DNAH8: variants seen among roughly 807,000 people sequenced by gnomAD.
DNAH8 encodes the protein dynein axonemal heavy chain 8.
A neutral mutation model predicts 562.1 loss-of-function variants in DNAH8; 382 were observed. The ratio of observed to expected loss-of-function variants is 0.68; its 90% CI spans 0.63 to 0.74. The LOEUF is 0.74. Ranked by LOEUF, DNAH8 falls within the 30% of genes least tolerant of loss-of-function variation. DNAH8 has a pLI of 0.00. For synonymous variants in DNAH8, 1,881 were observed against 1,919.4 expected, an observed-to-expected ratio of 0.98 and a Z score of 0.52; for missense variants, 5,203 against 5,620.4, an observed-to-expected ratio of 0.93 and a Z score of 2.37.
At chr6:38,858,934 T>A (rs1776403123) in intron 42 of DNAH8, among the ~76,000 whole-genome samples, 1 of 152,274 alleles carries the variant, frequency 6.6e-6, no homozygotes, top group Admixed American at 6.5e-5. Context: ...TGAAAGAAAT[T>A]TCTTTTAAAA....
In DNAH8 at chr6:38,842,859, A is replaced by C; in HGVS notation, c.4801A>C (p.Asn1601His). 6.2e-7 allele frequency: 1 copy of C among 1,613,866 alleles called. No homozygotes were observed. Residue 1601 changes from asparagine (N) to histidine (H), a missense_variant, in exon 35 of 93, where the codon AAT becomes CAT. Coordinates refer to ENST00000327475, the MANE Select transcript of DNAH8 (RefSeq NM_001206927.2). ...GGAATCTGATTCTTTTTGCCTTAGAAATATCATGGAAGCACCACTCCTTAA... is the reference window on the plus strand; with the variant it reads ...GGAATCTGATTCTTTTTGCCTTAGACATATCATGGAAGCACCACTCCTTAA... ...DVESDSFCLRNIMEAPLLKHK... is the reference protein window; with the variant it reads ...DVESDSFCLRHIMEAPLLKHK...
At chr6:38,842,636 TA>T (rs749996981) in intron 34 of DNAH8, 26 bp from the exon 35 acceptor site, 135 of 1,603,434 alleles carry the variant, frequency 8.4e-5, no homozygotes, top group South Asian at 6.3e-4. Context: ...GAAGGTGGCA[TA>T]TTTTTTTTCT....
At chr6:38,953,858 T>A (rs1762078536) in intron 82 of DNAH8, among the ~76,000 whole-genome samples, 1 of 151,520 alleles carries the variant, frequency 6.6e-6, no homozygotes, top group South Asian at 2.1e-4. Flanking sequence ...TTTTTTTTTT[T>A]AACAGTTGGG....
At chr6:38,848,584 G>A (rs1054746522) in intron 36 of DNAH8, 64 bp from the exon 37 acceptor site, 98 of 1,343,856 alleles carry the variant, frequency 7.3e-5, no homozygotes, top group South Asian at 4.9e-4. Flanking sequence ...AATTTACTTC[G>A]GTAAGGCCAT....
At chr6:38,781,229 A>G in intron 15 of DNAH8, 25 bp from the exon 16 acceptor site, 2 of 1,612,966 alleles carry the variant, frequency 1.2e-6, no homozygotes, top group South Asian at 1.1e-5. Flanking sequence ...GAATTCAAAC[A>G]TTAACATCAG....
intron 24 of DNAH8, among the ~76,000 whole-genome samples, chr6:38,809,853 T>C (rs977014736): frequency 3.3e-5 from 5 of 152,196 alleles, no homozygotes; most frequent in African/African-American, 9.6e-5. Context: ...TCGTAGTAGC[T>C]AAACCTGCTT....
At position 38,832,327 on chromosome 6, in the gene DNAH8, A is replaced by G. The variant is rs1353304607; in HGVS notation, c.4194A>G (p.Ser1398=). The change falls in exon 31 of 93, where the codon TCA becomes TCG. Residue 1398 remains serine, a synonymous_variant. Transcript: ENST00000327475. The part of the protein sequence containing the change: ...SFNKLQSKAV[S]VQEDLVQVQP... The stretch of plus-strand genomic sequence containing the variant: ...AATATTCTTTTTTATTGTAGGTTTC[A>G]GTACAAGAGGACCTAGTTCAAGTGC... The G allele has an allele frequency of 1.2e-6, 2 of 1,602,218 alleles. No individual in the cohort carries two copies. The highest frequency in any genetic ancestry group is 3.4e-5 in the Admixed American group (2 of 59,332).
intron 6 of DNAH8, among the ~76,000 whole-genome samples, chr6:38,737,556 T>G (rs1013232065): frequency 1.2e-4 from 18 of 151,500 alleles, no homozygotes; most frequent in Non-Finnish European, 2.5e-4. Flanking sequence ...TACTTTTATT[T>G]TTTCATATTG....
chr6:38,868,482 G>A (rs545003838), intron 48 of DNAH8, among the ~76,000 whole-genome samples: 1 of 152,166 alleles, frequency 6.6e-6, no homozygotes, highest in African/African-American at 2.4e-5. Context: ...TATTCACAAA[G>A]TGACACAAAT....
chr6:38,777,330 G>GAAA (rs1357432344), intron 13 of DNAH8, among the ~76,000 whole-genome samples: 8 of 152,056 alleles, frequency 5.3e-5, no homozygotes, highest in African/African-American at 1.9e-4. Context: ...ATGTTATAAA[G>GAAA]GCTTTATTGT....
At chr6:38,910,419 C>G (rs528513386) in intron 65 of DNAH8, among the ~76,000 whole-genome samples, 1 of 152,324 alleles carries the variant, frequency 6.6e-6, no homozygotes, top group East Asian at 1.9e-4. Context: ...GTAACACTTT[C>G]ATTGATTTTC....
intron 70 of DNAH8, among the ~76,000 whole-genome samples, 170 bp downstream of exon 70, chr6:38,918,310 T>A (rs553473332): frequency 1.1e-4 from 17 of 152,196 alleles, no homozygotes; most frequent in Non-Finnish European, 2.2e-4. Context: ...TCTTTTTATA[T>A]CTGTTACATG....
chr6:39,025,723 G>A (rs969039111), intron 91 of DNAH8, among the ~76,000 whole-genome samples: 7 of 152,082 alleles, frequency 4.6e-5, no homozygotes, highest in South Asian at 2.1e-4. Context: ...TAGGAGTAGC[G>A]GGAACACACA....
intron 24 of DNAH8, among the ~76,000 whole-genome samples, chr6:38,811,859 G>A (rs1021859553): frequency 2.0e-5 from 3 of 152,102 alleles, no homozygotes; most frequent in Non-Finnish European, 4.4e-5. Flanking sequence ...GGAACCCTGA[G>A]TACAGAACCA....
intron 11 of DNAH8, among the ~76,000 whole-genome samples, chr6:38,766,275 G>A (rs1738175): frequency 0.25 from 38,572 of 151,872 alleles, 5,459 homozygotes; most frequent in East Asian, 0.46. Flanking sequence ...AATAAGCCAG[G>A]CACAAAGACA....
At chr6:38,754,582 A>G (rs1303972310) in intron 9 of DNAH8, among the ~76,000 whole-genome samples, 1 of 151,996 alleles carries the variant, frequency 6.6e-6, no homozygotes, top group Non-Finnish European at 1.5e-5. Flanking sequence ...TATATATTTT[A>G]TCTTGTCTTA....
At chr6:38,823,137 G>C in intron 27 of DNAH8, 103 bp downstream of exon 27, 2 of 1,029,068 alleles carry the variant, frequency 1.9e-6, no homozygotes, top group Non-Finnish European at 2.8e-6. Flanking sequence ...CCCATGAGCA[G>C]AGGCCAAGAA....
At chr6:38,760,870 C>T (rs1008139758) in intron 10 of DNAH8, among the ~76,000 whole-genome samples, 1 of 152,086 alleles carries the variant, frequency 6.6e-6, no homozygotes. Flanking sequence ...GCTTCGTGTA[C>T]AGCCTACAGA....
chr6:38,928,716 A>G (rs541017823), intron 74 of DNAH8, among the ~76,000 whole-genome samples: 2 of 152,266 alleles, frequency 1.3e-5, no homozygotes, highest in South Asian at 2.1e-4. Context: ...TGCACCCACA[A>G]TAGCCTAAGG....
Sources: gnomAD v4.1 joint callset for allele counts (sites outside exome capture counted in the v4.1 genomes callset) on GRCh38, gnomAD v4.1.1 for gene constraint, MANE v1.5 for transcripts, NCBI Gene and HGNC (gene_info 2026-07-23, HGNC 2026-07-21) for gene names.